IFT88: variants seen among roughly 807,000 people sequenced by gnomAD.
The protein encoded by IFT88 is intraflagellar transport 88, also known as intraflagellar transport protein 88 homolog.
In IFT88, 74 loss-of-function variants were observed where a neutral mutation model predicts 119.5. That is an observed-to-expected ratio of 0.62 (90% CI 0.51 to 0.75). IFT88 has a LOEUF of 0.75. Among genes scored for constraint, IFT88 ranks in the 30% least tolerant of loss-of-function variants. The pLI is 0.00. For missense variants in IFT88, 961 were observed against 977.7 expected, an observed-to-expected ratio of 0.98 and a Z score of 0.23; for synonymous variants, 279 against 316.7, an observed-to-expected ratio of 0.88 and a Z score of 1.26.
At chr13:20,670,376 C>A (rs2140976151) in intron 23 of IFT88, among the ~76,000 whole-genome samples, 1 of 152,130 alleles carries the variant, frequency 6.6e-6, no homozygotes, top group African/African-American at 2.4e-5. Flanking sequence ...AGAAAGAAAC[C>A]TAACAATGCC....
chr13:20,623,290 T>G (rs2046810517), intron 14 of IFT88, among the ~76,000 whole-genome samples: 1 of 152,214 alleles, frequency 6.6e-6, no homozygotes, highest in African/African-American at 2.4e-5. Flanking sequence ...GTTTTGGCTA[T>G]TTGGAGTCCC....
chr13:20,597,754 A>AAAATATATATATATATATATAT lies in IFT88; in HGVS notation c.594+636_594+637insAATATATATATATATATATATA, dbSNP rs1446969137. On this transcript the variant is annotated intron_variant, in intron 9 of 25. Transcript: ENST00000351808. ...GAGCGAGACTCCGTCTCAAAAAAAAAATATATATATATATATTTTTTTTTT... is the reference window on the plus strand; with the variant it reads ...GAGCGAGACTCCGTCTCAAAAAAAAAAAATATATATATATATATATATATATATATATATATATTTTTTTTTT... Among the ~76,000 whole-genome samples the AAAATATATATATATATATATAT allele has an allele frequency of 2.1e-5, 3 of 142,658 alleles. No homozygotes were observed. In the South Asian group the frequency reaches 6.7e-4, roughly 32 times the overall value. 93.6% of individuals were successfully genotyped at this position (142,658 alleles called of 152,430 possible). A position where few individuals can be genotyped will look rare whatever the true frequency, so the allele number is the denominator to read the frequency against.
chr13:20,676,166 G>C (rs190685459), intron 24 of IFT88, among the ~76,000 whole-genome samples: 1 of 152,252 alleles, frequency 6.6e-6, no homozygotes, highest in East Asian at 1.9e-4. Context: ...CTCGCCCTTA[G>C]CCTGTTGCCC....
At chr13:20,597,601 G>A (rs59237272) in intron 9 of IFT88, among the ~76,000 whole-genome samples, 2,543 of 151,896 alleles carry the variant, frequency 0.017, 68 homozygotes, top group African/African-American at 0.058. Flanking sequence ...AAAATTAGCC[G>A]GGTGTGGTGG....
In IFT88 at chr13:20,574,400, G is replaced by T. The variant is rs775463707; in HGVS notation, c.15G>T (p.Val5=). 1.2e-6 allele frequency: 2 copies of T among 1,610,058 alleles called. No homozygotes were observed. Among genetic ancestry groups the T allele is most frequent in the Non-Finnish European group, 8.5e-7 (1 of 1,177,262 alleles). Residue 5 remains valine (V), a synonymous_variant, in exon 2 of 26, where the codon GTG becomes GTT. Transcript: ENST00000351808. ...CCTAGGTACAAATGATGCAAAATGTGCACCTGGCTCCAGAGACAGATGAAG... is the reference window on the plus strand; with the variant it reads ...CCTAGGTACAAATGATGCAAAATGTTCACCTGGCTCCAGAGACAGATGAAG... The part of the protein sequence containing the change: MMQN[V]HLAPETDEDD...
chr13:20,670,946 T>C, intron 23 of IFT88, 27 bp from the exon 24 acceptor site: 1 of 1,605,216 alleles, frequency 6.2e-7, no homozygotes, highest in Non-Finnish European at 8.5e-7. Context: ...CACTTATTCT[T>C]TTAAACTTGT....
chr13:20,605,455 C>G (rs1298846200), intron 13 of IFT88, among the ~76,000 whole-genome samples: 1 of 152,070 alleles, frequency 6.6e-6, no homozygotes, highest in African/African-American at 2.4e-5. Context: ...TCAAAAATGA[C>G]GTCTTTATGT....
In IFT88 at chr13:20,643,539, A is replaced by T. The variant is rs140243413; in HGVS notation, c.1767A>T (p.Leu589Phe). ...TTATTCCAACCGATCCTCAAGTTTTATCTAAGCTAGGAGAATTATATGATC... is the reference window on the plus strand; with the variant it reads ...TTATTCCAACCGATCCTCAAGTTTTTTCTAAGCTAGGAGAATTATATGATC... ...VSVIPTDPQV[L>F]SKLGELYDRE... The change falls in exon 19 of 26, where the codon TTA (leucine) becomes TTT (phenylalanine). Residue 589 changes from leucine to phenylalanine, a missense_variant. Transcript: ENST00000351808. 1.9e-6 allele frequency: 3 copies of T among 1,611,190 alleles called. No individual in the cohort carries two copies. The highest frequency in any genetic ancestry group is 2.5e-6 in the Non-Finnish European group (3 of 1,177,610).
intron 3 of IFT88, among the ~76,000 whole-genome samples, chr13:20,589,099 T>G (rs1419505762): frequency 1.3e-5 from 2 of 152,218 alleles, no homozygotes; most frequent in Non-Finnish European, 2.9e-5. Context: ...TTCGTTATTT[T>G]CAGACCTTGT....
chr13:20,590,667 T>C (rs1258048041), intron 4 of IFT88, among the ~76,000 whole-genome samples: 2 of 152,198 alleles, frequency 1.3e-5, no homozygotes, highest in Non-Finnish European at 2.9e-5. Context: ...GCAGATCATA[T>C]GTTCTCTGTT....
intron 13 of IFT88, among the ~76,000 whole-genome samples, chr13:20,615,586 G>A (rs978823508): frequency 6.6e-6 from 1 of 152,098 alleles, no homozygotes; most frequent in Admixed American, 6.6e-5. Flanking sequence ...CCGTTGACCC[G>A]GCAGGCAATC....
At chr13:20,590,668 G>T (rs549687714) in intron 4 of IFT88, among the ~76,000 whole-genome samples, 1 of 152,242 alleles carries the variant, frequency 6.6e-6, no homozygotes, top group East Asian at 1.9e-4. Context: ...CAGATCATAT[G>T]TTCTCTGTTG....
intron 20 of IFT88, among the ~76,000 whole-genome samples, chr13:20,649,841 T>TA (rs2051333432): frequency 6.6e-6 from 1 of 152,106 alleles, no homozygotes; most frequent in South Asian, 2.1e-4. Flanking sequence ...AATAAAAAGT[T>TA]ATAAGAAAAC....
chr13:20,639,786 C>CTTTTTTTTTTTTTTT (rs34190452), intron 17 of IFT88, among the ~76,000 whole-genome samples: 1 of 109,488 alleles, frequency 9.1e-6, no homozygotes, highest in Non-Finnish European at 1.8e-5. Flanking sequence ...TAAAATTTGT[C>CTTTTTTTTTTTTTTT]TTTTTTTTTT....
At chr13:20,668,201 G>A (rs74036419) in intron 23 of IFT88, among the ~76,000 whole-genome samples, 32,133 of 152,068 alleles carry the variant, frequency 0.21, 3,930 homozygotes, top group African/African-American at 0.31. Context: ...CTGTCCTGTT[G>A]CCTGGTGGGA....
In IFT88 at chr13:20,656,353, G is replaced by T; in HGVS notation, c.2003-12G>T. On this transcript the variant is annotated splice_polypyrimidine_tract_variant and intron_variant, in intron 21 of 25. Coordinates refer to ENST00000351808, the MANE Select transcript of IFT88 (RefSeq NM_006531.5). ...TAATTTGCTAATATATTTTTCTCTTGTTTGTTTATAGGTAACTACCAAAAA... is the reference window on the plus strand; with the variant it reads ...TAATTTGCTAATATATTTTTCTCTTTTTTGTTTATAGGTAACTACCAAAAA... 2 of 1,268,302 alleles carry T rather than the reference G, an allele frequency of 1.6e-6. No individual in the cohort carries two copies. Among genetic ancestry groups the T allele is most frequent in the East Asian group, 2.5e-5 (1 of 40,004 alleles). 78.6% of individuals were successfully genotyped at this position (1,268,302 alleles called of 1,614,324 possible). A position where few individuals can be genotyped will look rare whatever the true frequency, so the allele number is the denominator to read the frequency against.
intron 15 of IFT88, among the ~76,000 whole-genome samples, chr13:20,626,987 G>A (rs543948410): frequency 6.6e-6 from 1 of 152,252 alleles, no homozygotes; most frequent in Admixed American, 6.5e-5. Flanking sequence ...TTTGCTCTGG[G>A]AGACAACAGA....
chr13:20,614,610 G>A (rs2045265604), intron 13 of IFT88, among the ~76,000 whole-genome samples: 1 of 152,080 alleles, frequency 6.6e-6, no homozygotes, highest in Non-Finnish European at 1.5e-5. Context: ...AAATATAGTG[G>A]GAATATTCTG....
chr13:20,605,401 T>A (rs2043254919), intron 13 of IFT88, among the ~76,000 whole-genome samples: 1 of 152,220 alleles, frequency 6.6e-6, no homozygotes, highest in Non-Finnish European at 1.5e-5. Context: ...TGTTTCCCTC[T>A]GCATTTGGTA....
Sources: gnomAD v4.1 joint callset for allele counts (sites outside exome capture counted in the v4.1 genomes callset) on GRCh38, gnomAD v4.1.1 for gene constraint, MANE v1.5 for transcripts, NCBI Gene and HGNC (gene_info 2026-07-23, HGNC 2026-07-21) for gene names.